ZFYVE1: variants seen among roughly 807,000 people sequenced by gnomAD.
The protein encoded by ZFYVE1 is zinc finger FYVE domain-containing protein 1.
A neutral mutation model predicts 74.4 loss-of-function variants in ZFYVE1; 30 were observed. The ratio of observed to expected loss-of-function variants is 0.40; its 90% CI spans 0.30 to 0.55. The LOEUF (loss-of-function observed/expected upper bound fraction) is 0.55. Among genes scored for constraint, ZFYVE1 ranks in the 20% least tolerant of loss-of-function variants. The probability of loss-of-function intolerance (pLI) is 0.42; values close to 1 mark genes in which losing one functional copy is unlikely to be tolerated. For missense variants in ZFYVE1, 703 were observed against 1,011.6 expected, an observed-to-expected ratio of 0.69 and a Z score of 4.14; for synonymous variants, 335 against 385.1, an observed-to-expected ratio of 0.87 and a Z score of 1.52.
chr14:72,992,200 C>A (rs559191529), intron 4 of ZFYVE1, among the ~76,000 whole-genome samples: 7 of 152,126 alleles, frequency 4.6e-5, no homozygotes, highest in Non-Finnish European at 1.0e-4. Flanking sequence ...TGAGCCACCA[C>A]GCCTGGCTGT....
At chr14:72,974,520 C>T (rs1416475810) in intron 10 of ZFYVE1, among the ~76,000 whole-genome samples, 1 of 152,204 alleles carries the variant, frequency 6.6e-6, no homozygotes, top group African/African-American at 2.4e-5. Context: ...GCAGCCTTTT[C>T]AGAATTCAGT....
intron 2 of ZFYVE1, among the ~76,000 whole-genome samples, 183 bp from the exon 3 acceptor site, chr14:72,998,498 A>T (rs1398254450): frequency 6.6e-6 from 1 of 152,032 alleles, no homozygotes; most frequent in East Asian, 1.9e-4. Flanking sequence ...CTGAAGCTTT[A>T]GTCAGGGAAA....
intron 4 of ZFYVE1, among the ~76,000 whole-genome samples, chr14:72,983,015 T>G (rs1000137944): frequency 1.3e-5 from 2 of 152,018 alleles, no homozygotes; most frequent in African/African-American, 4.8e-5. Context: ...GGCTAATTTT[T>G]TGTATTTTTA....
At chr14:73,016,173 A>G (rs1894197462) in intron 2 of ZFYVE1, among the ~76,000 whole-genome samples, 2 of 152,148 alleles carry the variant, frequency 1.3e-5, no homozygotes, top group South Asian at 4.1e-4. Flanking sequence ...TCAAGAGATT[A>G]TAGATGACTC....
rs1370172028 is a variant in ZFYVE1, at chr14:72,974,163, C to T, written c.2018G>A (p.Gly673Asp). The T allele has an allele frequency of 6.2e-7, 1 of 1,614,132 alleles. No homozygotes were observed. Among genetic ancestry groups the T allele is most frequent in the Admixed American group, 1.7e-5 (1 of 60,026 alleles). Residue 673 changes from glycine (G) to aspartate (D), a missense_variant, in exon 11 of 12, where the codon GGT becomes GAT. By Grantham distance (94) the Gly-to-Asp change is moderately conservative (BLOSUM62 -1). Coordinates refer to ENST00000556143, the MANE Select transcript of ZFYVE1 (RefSeq NM_021260.4). ...CACCTTCCGAGCAATGAGCGTTCCA[C>T]CTTCATCGTCCACTTGTGCCTCGGT... ...AVTEAQVDDEGGTLIARKVGE... is the reference protein window; with the variant it reads ...AVTEAQVDDEDGTLIARKVGE...
chr14:72,975,184 T>G lies in ZFYVE1; in HGVS notation c.1807-225A>C. The G allele has an allele frequency of 1.8e-6, 1 of 550,210 alleles. No individual in the cohort carries two copies. Among genetic ancestry groups the G allele is most frequent in the Non-Finnish European group, 3.1e-6 (1 of 317,994 alleles). The allele number at this position is 550,210 out of a possible 1,614,324, so 34.1% of individuals were successfully genotyped here. A position where few individuals can be genotyped will look rare whatever the true frequency, so the allele number is the denominator to read the frequency against. On this transcript the variant is annotated intron_variant, in intron 9 of 11. Coordinates refer to ENST00000556143, the MANE Select transcript of ZFYVE1 (RefSeq NM_021260.4). This position sits in a 1 kb window ranked among gnomAD's most constrained non-coding sequence, Gnocchi z 4.1. ...GTCTGGGTTGAAGCTGGGTGCTCTC[T>G]TGCTCTGGGTGCTGTAGCGTTAATG...
At chr14:73,015,669 C>A (rs1437303365) in intron 2 of ZFYVE1, among the ~76,000 whole-genome samples, 1 of 152,164 alleles carries the variant, frequency 6.6e-6, no homozygotes, top group Non-Finnish European at 1.5e-5. Flanking sequence ...CAGGCGTGAG[C>A]CACCACGCCC....
At position 72,993,302 on chromosome 14, in the gene ZFYVE1, G is replaced by A. The variant is rs552945249; in HGVS notation, c.1044C>T (p.Gly348=). ...TGGAACTAAAGGCTTCAGGGAAACGGCCCAGCTTCCGGAACCGGTCCTGGA... is the reference window on the plus strand; with the variant it reads ...TGGAACTAAAGGCTTCAGGGAAACGACCCAGCTTCCGGAACCGGTCCTGGA... The part of the protein sequence containing the change: ...KLIQDRFRKL[G]RFPEAFSSIH... Residue 348 remains glycine, a synonymous_variant, in exon 4 of 12, where the codon GGC becomes GGT. Coordinates refer to ENST00000556143, the MANE Select transcript of ZFYVE1 (RefSeq NM_021260.4). 1.2e-6 allele frequency: 2 copies of A among 1,613,518 alleles called. No homozygotes were observed. The highest frequency in any genetic ancestry group is 2.2e-5 in the South Asian group (2 of 91,044).
chr14:73,019,571 T>G (rs1272274572), intron 2 of ZFYVE1, among the ~76,000 whole-genome samples: 1 of 152,226 alleles, frequency 6.6e-6, no homozygotes, highest in African/African-American at 2.4e-5. Context: ...ATAATACATT[T>G]ATACAGAGCT....
In ZFYVE1 at chr14:72,974,940, G is replaced by A. The variant is rs757171387; in HGVS notation, c.1826C>T (p.Thr609Met). The A allele has an allele frequency of 3.6e-5, 58 of 1,611,702 alleles. No individual in the cohort carries two copies. Among genetic ancestry groups the A allele is most frequent in the Admixed American group, 2.3e-4 (14 of 59,934 alleles). The change falls in exon 10 of 12, where the codon ACG becomes ATG. Residue 609 changes from threonine to methionine, a missense_variant. Thr to Met is a moderately conservative substitution (Grantham distance 81). This residue lies in a region of ZFYVE1 where 492 missense variants were observed against 790.0 expected (regional missense o/e 0.62). Coordinates refer to ENST00000556143, the MANE Select transcript of ZFYVE1 (RefSeq NM_021260.4). ...SQILSCNKCA[T>M]SFKDNDTKHH... Reference sequence around the variant, plus strand: ...CTTAGTGTCGTTATCTTTAAAGGACGTCGCACACTTGTTGCAGCTCTGTTC... The same window carrying A: ...CTTAGTGTCGTTATCTTTAAAGGACATCGCACACTTGTTGCAGCTCTGTTC...
chr14:72,993,662 G>A (rs1363088503), intron 3 of ZFYVE1, among the ~76,000 whole-genome samples: 2 of 151,870 alleles, frequency 1.3e-5, no homozygotes, highest in Non-Finnish European at 2.9e-5. Context: ...TCGCACCACT[G>A]CACTATAGCC....
At chr14:73,011,354 G>C (rs1894088311) in intron 2 of ZFYVE1, among the ~76,000 whole-genome samples, 1 of 151,876 alleles carries the variant, frequency 6.6e-6, no homozygotes, top group African/African-American at 2.4e-5. Context: ...GGGAGTGGTG[G>C]CACATGCCTG....
In ZFYVE1 at chr14:72,992,621, C is replaced by CCCCT. The variant is rs1471945072; in HGVS notation, c.1203+521_1203+522insAGGG. Reference sequence around the variant, plus strand: ...GGGGAGGTCCCATTCAGGTGCCCCCCCCGCCCCTTGCAAGAGAGAGAGAGC... The same window carrying CCCCT: ...GGGGAGGTCCCATTCAGGTGCCCCCCCCCTCCGCCCCTTGCAAGAGAGAGAGAGC... On this transcript the variant is annotated intron_variant, in intron 4 of 11. Transcript: ENST00000556143. Among the ~76,000 whole-genome samples, 3 of 111,196 alleles carry CCCCT rather than the reference C, an allele frequency of 2.7e-5. 1 individual carries two copies. Among genetic ancestry groups the CCCCT allele is most frequent in the African/African-American group, 1.1e-4 (3 of 28,060 alleles). 72.9% of individuals were successfully genotyped at this position (111,196 alleles called of 152,430 possible).
In ZFYVE1 at chr14:72,998,316, C is replaced by T; in HGVS notation, c.484-1G>A. 7.6e-7 allele frequency: 1 copy of T among 1,322,674 alleles called. No homozygotes were observed. 81.9% of individuals were successfully genotyped at this position (1,322,674 alleles called of 1,614,324 possible). A position where few individuals can be genotyped will look rare whatever the true frequency, so the allele number is the denominator to read the frequency against. On this transcript the variant is annotated splice_acceptor_variant, in intron 2 of 11. Coordinates refer to ENST00000556143, the MANE Select transcript of ZFYVE1 (RefSeq NM_021260.4). LOFTEE classifies it high-confidence loss of function. The stretch of plus-strand genomic sequence containing the variant: ...TAATAAAGTCTTCTTCATTTGTTAC[C>T]TGCAAAAAAAAAAAAAAAGACCATG...
intron 2 of ZFYVE1, among the ~76,000 whole-genome samples, chr14:73,006,697 C>T (rs2140376102): frequency 6.7e-6 from 1 of 150,146 alleles, no homozygotes; most frequent in South Asian, 2.1e-4. Context: ...CAATGATCCC[C>T]CACCCCAGTT....
intron 2 of ZFYVE1, among the ~76,000 whole-genome samples, chr14:73,005,973 G>GT (rs1893969336): frequency 6.6e-6 from 1 of 151,782 alleles, no homozygotes; most frequent in African/African-American, 2.4e-5. Context: ...CCAGGCTGGA[G>GT]TGCAGTGGCA....
chr14:73,000,766 A>C (rs1276626665), intron 2 of ZFYVE1, among the ~76,000 whole-genome samples: 1 of 152,172 alleles, frequency 6.6e-6, no homozygotes, highest in East Asian at 1.9e-4. Context: ...TGTCCACACA[A>C]ATCTTCTAAG....
chr14:72,983,385 TC>T (rs370638041), intron 4 of ZFYVE1, among the ~76,000 whole-genome samples: 3 of 127,622 alleles, frequency 2.4e-5, no homozygotes, highest in South Asian at 2.9e-4. Flanking sequence ...TGTGTGATGT[TC>T]CCCCCCTTCC....
intron 8 of ZFYVE1, among the ~76,000 whole-genome samples, chr14:72,977,086 T>G (rs762623719): frequency 1.3e-5 from 2 of 152,186 alleles, no homozygotes; most frequent in Non-Finnish European, 2.9e-5. Flanking sequence ...AGATTTGTAT[T>G]TCTGACATCT....
Sources: gnomAD v4.1 joint callset for allele counts (sites outside exome capture counted in the v4.1 genomes callset) on GRCh38, gnomAD v4.1.1 for gene constraint, gnomAD v4.1.1 regional missense constraint, Gnocchi (gnomAD v3.1) non-coding constraint, MANE v1.5 for transcripts, NCBI Gene and HGNC (gene_info 2026-07-23, HGNC 2026-07-21) for gene names.